FXYD6: variants seen among roughly 807,000 people sequenced by gnomAD.
FXYD6 encodes FXYD domain containing ion transport regulator 6.
A neutral mutation model predicts 16.7 loss-of-function variants in FXYD6; 7 were observed. That is an observed-to-expected ratio of 0.42 (90% CI 0.24 to 0.79). The LOEUF is 0.79. FXYD6 is among the 30% of genes least tolerant of loss of function. FXYD6 has a pLI of 0.28. For missense variants in FXYD6, 111 were observed against 116.2 expected (o/e 0.95, Z 0.21); for synonymous variants, 49 against 43.0 (o/e 1.14, Z -0.54).
intron 1 of FXYD6, among the ~76,000 whole-genome samples, chr11:117,868,485 C>A (rs2057058745): frequency 6.6e-6 from 1 of 152,096 alleles, no homozygotes; most frequent in South Asian, 2.1e-4. Context: ...ATACACCTGA[C>A]CAGTGACCCT....
intron 1 of FXYD6, among the ~76,000 whole-genome samples, chr11:117,852,695 A>T (rs773190782): frequency 1.3e-5 from 2 of 152,058 alleles, no homozygotes; most frequent in Non-Finnish European, 2.9e-5. Context: ...AAAAATTCTT[A>T]TCTCTTCAAA....
intron 7 of FXYD6, 193 bp downstream of exon 7, chr11:117,839,588 A>G: frequency 5.0e-6 from 3 of 603,416 alleles, no homozygotes; most frequent in Non-Finnish European, 8.7e-6. Context: ...TGTGTGGGAC[A>G]CTTCGGGTGT....
chr11:117,846,699 T>A (rs1372955839), intron 1 of FXYD6, among the ~76,000 whole-genome samples: 1 of 152,248 alleles, frequency 6.6e-6, no homozygotes, highest in African/African-American at 2.4e-5. Flanking sequence ...CATCAGTTTC[T>A]GGGCTATCTC....
chr11:117,859,090 T>G (rs904559423), intron 1 of FXYD6, among the ~76,000 whole-genome samples: 14 of 150,792 alleles, frequency 9.3e-5, no homozygotes, highest in Admixed American at 1.3e-4. Context: ...CTGTGTCATT[T>G]TCAACCCCTT....
chr11:117,861,391 G>T (rs967321811), intron 1 of FXYD6, among the ~76,000 whole-genome samples: 1 of 152,230 alleles, frequency 6.6e-6, no homozygotes, highest in Non-Finnish European at 1.5e-5. Context: ...GAGGCAGGGA[G>T]GAGGGGCCCA....
At chr11:117,854,021 C>T (rs1343820936) in intron 1 of FXYD6, among the ~76,000 whole-genome samples, 1 of 152,172 alleles carries the variant, frequency 6.6e-6, no homozygotes, top group African/African-American at 2.4e-5. Flanking sequence ...AAGTTTTGAG[C>T]ATCTGCTATC....
chr11:117,846,192 T>C (rs2056462129), intron 1 of FXYD6, among the ~76,000 whole-genome samples: 1 of 152,172 alleles, frequency 6.6e-6, no homozygotes, highest in African/African-American at 2.4e-5. Flanking sequence ...GCTGGACTTT[T>C]TTCTCTGTGT....
intron 1 of FXYD6, among the ~76,000 whole-genome samples, chr11:117,849,748 A>T (rs1007770909): frequency 1.3e-5 from 2 of 150,194 alleles, no homozygotes; most frequent in African/African-American, 5.1e-5. Flanking sequence ...AGGCCGTGGT[A>T]GCTGAAGGCC....
chr11:117,858,676 T>C (rs1008914967), intron 1 of FXYD6, among the ~76,000 whole-genome samples: 2 of 87,442 alleles, frequency 2.3e-5, no homozygotes, highest in African/African-American at 1.0e-4. Context: ...TCTTTCTTTC[T>C]TTCTTTCTTT....
chr11:117,844,177 C>A (rs1394913093), intron 1 of FXYD6: 2 of 152,514 alleles, frequency 1.3e-5, no homozygotes, highest in African/African-American at 4.8e-5. Flanking sequence ...GTCAGAACGA[C>A]TGCATCCACA....
chr11:117,863,457 A>G (rs148730147), intron 1 of FXYD6, among the ~76,000 whole-genome samples: 1 of 152,116 alleles, frequency 6.6e-6, no homozygotes, highest in East Asian at 1.9e-4. Flanking sequence ...CTACCTCAAC[A>G]TAATACAAGC....
rs577064980 is a variant in FXYD6, at chr11:117,847,813, G to A, written c.-5-5032C>T. On this transcript the variant is annotated intron_variant, in intron 1 of 7. Transcript: ENST00000526014. ...AAGACTTTGCTATTGTGAATAGTGC[G>A]GCAATAAACATACGTGTGCATGTGT... Among the ~76,000 whole-genome samples, 52 of 152,150 alleles carry A rather than the reference G, an allele frequency of 3.4e-4. 1 individual carries two copies. Among genetic ancestry groups the A allele is most frequent in the African/African-American group, 9.9e-4 (41 of 41,504 alleles).
chr11:117,839,738 C>A (rs764936731), intron 7 of FXYD6, 43 bp downstream of exon 7: 33 of 1,612,182 alleles, frequency 2.0e-5, no homozygotes, highest in Non-Finnish European at 2.8e-5. Context: ...CTGATGCAGA[C>A]GGTGATGGCA....
In FXYD6 at chr11:117,838,135, G is replaced by A. The variant is rs914188935; in HGVS notation, c.*164C>T. On this transcript the variant is annotated 3_prime_UTR_variant, in exon 8 of 8. Coordinates refer to ENST00000526014, the MANE Select transcript of FXYD6 (RefSeq NM_022003.4). ...AGTGTTAGTTGCATCATCAGGTGGA[G>A]GAATGGTGTTAGAGGGGATAGGGTG... 3 of 699,204 alleles carry A rather than the reference G, an allele frequency of 4.3e-6. No individual in the cohort carries two copies. The African/African-American group carries it at 5.2e-5, about 12-fold the overall frequency. 43.3% of individuals were successfully genotyped at this position (699,204 alleles called of 1,614,324 possible).
At chr11:117,869,297 G>A (rs2057081511) in intron 1 of FXYD6, 1 of 152,272 alleles carries the variant, frequency 6.6e-6, no homozygotes, top group Non-Finnish European at 1.5e-5. Flanking sequence ...AAGCTGCCAG[G>A]AAGGCAGCTG....
intron 1 of FXYD6, among the ~76,000 whole-genome samples, chr11:117,864,148 C>T (rs1469145053): frequency 6.6e-6 from 1 of 152,126 alleles, no homozygotes; most frequent in Non-Finnish European, 1.5e-5. Context: ...CCAAAAAAAT[C>T]CTGAAAAAGA....
intron 6 of FXYD6, 106 bp from the exon 7 acceptor site, chr11:117,839,936 G>A: frequency 7.0e-7 from 1 of 1,434,084 alleles, no homozygotes. Flanking sequence ...GCAAAGAGGT[G>A]ACGGGCATGG....
chr11:117,837,837 C>T lies in FXYD6; in HGVS notation c.*462G>A. On this transcript the variant is annotated 3_prime_UTR_variant, in exon 8 of 8. Transcript: ENST00000526014. The surrounding 1 kb of genome is among the most constrained non-coding windows in gnomAD (Gnocchi z 4.4). ...CTGCCCGTGCTCTTACCCTACGCAT[C>T]CCTAAATCAGGGGAGGGGGCTGGTC... 3.6e-6 allele frequency: 1 copy of T among 278,154 alleles called. No individual in the cohort carries two copies. The highest frequency in any genetic ancestry group is 7.0e-6 in the Non-Finnish European group (1 of 142,962). The allele number at this position is 278,154 out of a possible 1,614,324, so 17.2% of individuals were successfully genotyped here. A position where few individuals can be genotyped will look rare whatever the true frequency, so the allele number is the denominator to read the frequency against.
chr11:117,876,765 G>T (rs1411313150), upstream of FXYD6: 2 of 140,586 alleles, frequency 1.4e-5, no homozygotes, highest in East Asian at 5.0e-4. Context: ...CGGGGGGGGG[G>T]CTCGCTCGGG....
Sources: gnomAD v4.1 joint callset for allele counts (sites outside exome capture counted in the v4.1 genomes callset) on GRCh38, gnomAD v4.1.1 for gene constraint, Gnocchi (gnomAD v3.1) non-coding constraint, MANE v1.5 for transcripts, NCBI Gene and HGNC (gene_info 2026-07-23, HGNC 2026-07-21) for gene names.